TRPM3: variants seen among roughly 807,000 people sequenced by gnomAD.
TRPM3 encodes transient receptor potential cation channel subfamily M member 3.
A neutral mutation model predicts 181.2 loss-of-function variants in TRPM3; 77 were observed. The observed-to-expected ratio is 0.42, with a 90% CI of 0.35 to 0.51. The LOEUF (loss-of-function observed/expected upper bound fraction) is 0.51, where lower values mean the gene tolerates loss of function less well. Among genes scored for constraint, TRPM3 ranks in the 20% least tolerant of loss-of-function variants. The pLI is 0.01. For missense variants in TRPM3, 1,759 were observed against 2,196.7 expected, an observed-to-expected ratio of 0.80 and a Z score of 3.98; for synonymous variants, 745 against 796.4, an observed-to-expected ratio of 0.94 and a Z score of 1.09.
chr9:71,140,443 G>A (rs1214824415), intron 1 of TRPM3, among the ~76,000 whole-genome samples: 3 of 152,020 alleles, frequency 2.0e-5, no homozygotes, highest in African/African-American at 4.8e-5. Context: ...CCCTTCCTTT[G>A]TTCATTCTCT....
intron 1 of TRPM3, among the ~76,000 whole-genome samples, chr9:71,338,347 G>A (rs1342169724): frequency 3.3e-5 from 5 of 152,146 alleles, no homozygotes; most frequent in African/African-American, 4.8e-5. Flanking sequence ...AACGTTCAAC[G>A]CTCTTCAGAG....
chr9:71,436,136 G>A (rs1188719639), intron 1 of TRPM3, among the ~76,000 whole-genome samples: 2 of 152,002 alleles, frequency 1.3e-5, no homozygotes, highest in African/African-American at 4.8e-5. Context: ...GGGTTTATCA[G>A]GGGTTTCTGC....
At chr9:71,132,584 C>CTTTAT (rs201027383) in intron 1 of TRPM3, among the ~76,000 whole-genome samples, 1,940 of 152,160 alleles carry the variant, frequency 0.013, 29 homozygotes, top group Admixed American at 0.039. Context: ...ATTCACCAAA[C>CTTTAT]TATAAACTCA....
At chr9:70,545,292 A>G (rs533500226) in intron 25 of TRPM3, among the ~76,000 whole-genome samples, 100 of 152,352 alleles carry the variant, frequency 6.6e-4, no homozygotes, top group Non-Finnish European at 1.4e-3. Flanking sequence ...ATGAATGGAT[A>G]AAGGAATTAA....
chr9:71,373,023 C>G (rs2092566496), intron 1 of TRPM3, among the ~76,000 whole-genome samples: 1 of 152,048 alleles, frequency 6.6e-6, no homozygotes, highest in African/African-American at 2.4e-5. Flanking sequence ...CTGAATGACT[C>G]TTGGGTAAAC....
chr9:70,586,855 T>G (rs1429139946), intron 22 of TRPM3, among the ~76,000 whole-genome samples: 1 of 152,214 alleles, frequency 6.6e-6, no homozygotes, highest in East Asian at 1.9e-4. Context: ...ATGTTCTGAT[T>G]TCCACATGGG....
chr9:70,615,857 A>C, intron 18 of TRPM3, 51 bp downstream of exon 18: 1 of 1,536,290 alleles, frequency 6.5e-7, no homozygotes, highest in Admixed American at 2.0e-5. Flanking sequence ...CGGTGGGACA[A>C]GTGGATTAGG....
chr9:70,874,845 A>G (rs1260762576), intron 1 of TRPM3, among the ~76,000 whole-genome samples: 1 of 151,924 alleles, frequency 6.6e-6, no homozygotes, highest in Non-Finnish European at 1.5e-5. Flanking sequence ...TGTAAGGATT[A>G]ACTACTAAAA....
intron 1 of TRPM3, among the ~76,000 whole-genome samples, chr9:70,927,798 C>T (rs1303504270): frequency 6.6e-6 from 1 of 152,144 alleles, no homozygotes; most frequent in East Asian, 1.9e-4. Context: ...TGATTTGGGT[C>T]TCTCTTTTCC....
chr9:71,220,674 C>G (rs1399694529), intron 1 of TRPM3, among the ~76,000 whole-genome samples: 1 of 152,146 alleles, frequency 6.6e-6, no homozygotes, highest in Non-Finnish European at 1.5e-5. Flanking sequence ...GAACACATTA[C>G]TTAAGTCATT....
At chr9:71,291,789 T>C (rs1186780325) in intron 1 of TRPM3, among the ~76,000 whole-genome samples, 1 of 152,018 alleles carries the variant, frequency 6.6e-6, no homozygotes, top group East Asian at 1.9e-4. Flanking sequence ...ATTATTGAAA[T>C]TAGAAACGAC....
intron 19 of TRPM3, among the ~76,000 whole-genome samples, chr9:70,604,538 G>A (rs1236023250): frequency 6.6e-6 from 1 of 152,236 alleles, no homozygotes; most frequent in Non-Finnish European, 1.5e-5. Flanking sequence ...TGAAAGGATT[G>A]AGGCCTTGAG....
chr9:70,995,271 G>A (rs2097531209), intron 1 of TRPM3, among the ~76,000 whole-genome samples: 1 of 152,176 alleles, frequency 6.6e-6, no homozygotes, highest in African/African-American at 2.4e-5. Flanking sequence ...TCCTCATCAG[G>A]GTCTCCTAAA....
rs562090647 is a variant in TRPM3 at position 71,266,943 on chromosome 9, C to T, written c.183+179710G>A. 2.1e-5 allele frequency among the ~76,000 whole-genome samples: 3 copies of T among 144,422 alleles called. No homozygotes were observed. In the East Asian group the frequency reaches 6.2e-4, roughly 30 times the overall value. The allele number at this position is 144,422 out of a possible 152,430, so 94.7% of individuals were successfully genotyped here. On this transcript the variant is annotated intron_variant, in intron 1 of 24. Coordinates refer to the TRPM3 transcript ENST00000357533. ...TATGACAATTTTAATCCTTCAAATG[C>T]TATATACTTCTCTGGCCAAAAAAAA...
At chr9:71,347,320 C>G (rs2091354323) in intron 1 of TRPM3, among the ~76,000 whole-genome samples, 1 of 152,198 alleles carries the variant, frequency 6.6e-6, no homozygotes, top group South Asian at 2.1e-4. Flanking sequence ...GTAGTACCCT[C>G]ATAAGCATCT....
rs142883760 is a variant in TRPM3 at position 70,565,282 on chromosome 9, T to G, written c.3224-11972A>C. ...AATAAACATTTTCATCTTGGCAGATTTATCTGTTTTTATTTTTATTTTTTT... is the reference window on the plus strand; with the variant it reads ...AATAAACATTTTCATCTTGGCAGATGTATCTGTTTTTATTTTTATTTTTTT... On this transcript the variant is annotated intron_variant, in intron 22 of 25. Coordinates refer to ENST00000677713, the MANE Select transcript of TRPM3 (RefSeq NM_001366145.2). Among the ~76,000 whole-genome samples the G allele has an allele frequency of 5.8e-3, 878 of 152,248 alleles. 10 individuals carry two copies. Among genetic ancestry groups the G allele is most frequent in the Non-Finnish European group, 8.2e-3 (556 of 68,016 alleles).
chr9:71,126,963 T>C (rs2074070681), intron 1 of TRPM3, among the ~76,000 whole-genome samples: 1 of 152,098 alleles, frequency 6.6e-6, no homozygotes, highest in Non-Finnish European at 1.5e-5. Flanking sequence ...GTTTTCCAAA[T>C]GTATAAGGAT....
At chr9:71,210,474 C>T (rs918356965) in intron 1 of TRPM3, among the ~76,000 whole-genome samples, 6 of 152,160 alleles carry the variant, frequency 3.9e-5, no homozygotes, top group Middle Eastern at 3.2e-3. Context: ...TTCACAAAAC[C>T]GGTCCCTGGT....
intron 1 of TRPM3, among the ~76,000 whole-genome samples, chr9:71,284,548 C>T (rs1187037106): frequency 6.6e-6 from 1 of 152,140 alleles, no homozygotes; most frequent in African/African-American, 2.4e-5. Context: ...GTTATATTAG[C>T]TTGTTATTCT....
Sources: gnomAD v4.1 joint callset for allele counts (sites outside exome capture counted in the v4.1 genomes callset) on GRCh38, gnomAD v4.1.1 for gene constraint, MANE v1.5 for transcripts, NCBI Gene and HGNC (gene_info 2026-07-23, HGNC 2026-07-21) for gene names.